FNTB: variants seen among roughly 807,000 people sequenced by gnomAD.
The protein encoded by FNTB is protein farnesyltransferase subunit beta.
In FNTB, 27 loss-of-function variants were observed where a neutral mutation model predicts 59.4. That is an observed-to-expected ratio of 0.45 (90% CI 0.34 to 0.63). FNTB has a LOEUF of 0.63. FNTB is among the 20% of genes least tolerant of loss of function. The pLI is 0.02. For missense variants in FNTB, 449 were observed against 559.6 expected (o/e 0.80, Z 1.99); for synonymous variants, 230 against 220.7 (o/e 1.04, Z -0.37).
rs137921098 is a variant in FNTB, at chr14:65,052,031, G to A, written c.956-1207G>A. On this transcript the variant is annotated intron_variant, in intron 9 of 11. Transcript: ENST00000246166. ...GGGATGGTCTCGATCTCCTGACCTCGTGATCAACCCCCCTCAGCCTCCCAA... is the reference window on the plus strand; with the variant it reads ...GGGATGGTCTCGATCTCCTGACCTCATGATCAACCCCCCTCAGCCTCCCAA... 4.5e-3 allele frequency among the ~76,000 whole-genome samples: 687 copies of A among 152,058 alleles called. 7 individuals carry two copies. Among genetic ancestry groups the A allele is most frequent in the African/African-American group, 0.016 (650 of 41,492 alleles).
At chr14:65,037,345 C>T (rs1367027273) in intron 7 of FNTB, among the ~76,000 whole-genome samples, 4 of 134,618 alleles carry the variant, frequency 3.0e-5, no homozygotes, top group Non-Finnish European at 4.6e-5. Flanking sequence ...CTCAAGTGAT[C>T]GCCTGCCTCG....
At chr14:65,058,821 CTG>C (rs1043185030) in intron 11 of FNTB, among the ~76,000 whole-genome samples, 4 of 152,072 alleles carry the variant, frequency 2.6e-5, no homozygotes, top group Non-Finnish European at 4.4e-5. Context: ...GTGTCTGTGT[CTG>C]TGTGTTTTGT....
intron 8 of FNTB, among the ~76,000 whole-genome samples, chr14:65,041,393 G>C (rs1348665573): frequency 6.6e-6 from 1 of 152,130 alleles, no homozygotes; most frequent in African/African-American, 2.4e-5. Flanking sequence ...TTTATGTCTG[G>C]ACCCCACGCT....
rs575381628 is a variant in FNTB at position 65,019,688 on chromosome 14, G to A, written c.374+3972G>A. Among the ~76,000 whole-genome samples, 65 of 152,230 alleles carry A rather than the reference G, an allele frequency of 4.3e-4. 2 individuals are homozygous for A. In the South Asian group the frequency reaches 0.012, roughly 29 times the overall value. On this transcript the variant is annotated intron_variant, in intron 4 of 11. Coordinates refer to ENST00000246166, the MANE Select transcript of FNTB (RefSeq NM_002028.4). Reference sequence around the variant, plus strand: ...AAAGCTTTACCTGTGGTTCTTCTACGCATTGATTTAGTGAACTTTTAAACA... The same window carrying A: ...AAAGCTTTACCTGTGGTTCTTCTACACATTGATTTAGTGAACTTTTAAACA...
chr14:65,046,741 A>G (rs1406555963), intron 9 of FNTB, among the ~76,000 whole-genome samples: 2 of 152,198 alleles, frequency 1.3e-5, no homozygotes, highest in East Asian at 1.9e-4. Context: ...GATAGTCACA[A>G]TATATTGTGA....
At chr14:65,046,962 CA>C (rs1212105742) in intron 9 of FNTB, among the ~76,000 whole-genome samples, 2 of 151,436 alleles carry the variant, frequency 1.3e-5, no homozygotes, top group South Asian at 2.1e-4. Flanking sequence ...ACAAAACAAG[CA>C]AAAAGGTGCG....
chr14:65,035,466 G>A (rs943839835), intron 7 of FNTB, among the ~76,000 whole-genome samples: 1 of 152,150 alleles, frequency 6.6e-6, no homozygotes, highest in South Asian at 2.1e-4. Flanking sequence ...GACAGCCTGG[G>A]TTTGAATCCC....
intron 2 of FNTB, among the ~76,000 whole-genome samples, chr14:65,010,895 C>T (rs947060746): frequency 6.6e-6 from 1 of 152,196 alleles, no homozygotes; most frequent in African/African-American, 2.4e-5. Context: ...CCATTAGCCA[C>T]CTGCAGCTAT....
rs2062063501 is a variant in FNTB at position 65,030,690 on chromosome 14, T to C, written c.606-1920T>C. On this transcript the variant is annotated intron_variant, in intron 6 of 11. Transcript: ENST00000246166. The surrounding 1 kb of genome is among the most constrained non-coding windows in gnomAD (Gnocchi z 4.5). ...AGGAGTTTGAGGTTGCAGTGAGCCA[T>C]GATAGCGCCACTGCACTGCAGCCTG... is the stretch of plus-strand genomic sequence containing the variant. 6.6e-6 allele frequency among the ~76,000 whole-genome samples: 1 copy of C among 151,546 alleles called. No individual in the cohort carries two copies. The highest frequency in any genetic ancestry group is 6.6e-5 in the Admixed American group (1 of 15,198).
chr14:65,008,928 A>T (rs943664198), intron 2 of FNTB, among the ~76,000 whole-genome samples: 1 of 152,062 alleles, frequency 6.6e-6, no homozygotes, highest in African/African-American at 2.4e-5. Context: ...CTCTCCTGTC[A>T]CCCTCTGCAC....
At chr14:65,055,068 C>T (rs1419445729) in intron 11 of FNTB, among the ~76,000 whole-genome samples, 3 of 152,216 alleles carry the variant, frequency 2.0e-5, no homozygotes, top group African/African-American at 4.8e-5. Context: ...TACAGCCTGC[C>T]GCGTCTCTCC....
intron 9 of FNTB, among the ~76,000 whole-genome samples, chr14:65,048,873 T>G (rs1203064001): frequency 6.6e-6 from 1 of 151,620 alleles, no homozygotes; most frequent in Non-Finnish European, 1.5e-5. Context: ...AAGCCTGTAA[T>G]CCCAGCATTT....
chr14:65,026,929 C>T (rs1255398221), intron 4 of FNTB, among the ~76,000 whole-genome samples: 1 of 151,942 alleles, frequency 6.6e-6, no homozygotes, highest in African/African-American at 2.4e-5. Flanking sequence ...CCCACAGAGG[C>T]TTAGGTGGCA....
chr14:65,059,025 T>C (rs1289846597), intron 11 of FNTB, among the ~76,000 whole-genome samples: 1 of 152,166 alleles, frequency 6.6e-6, no homozygotes, highest in African/African-American at 2.4e-5. Context: ...CTTTTTTCTT[T>C]TTCTTTTCTT....
chr14:64,995,433 T>G (rs1234370640), intron 1 of FNTB, among the ~76,000 whole-genome samples: 1 of 152,166 alleles, frequency 6.6e-6, no homozygotes, highest in Admixed American at 6.6e-5. Context: ...TTTATAACAC[T>G]GACAGTGCAG....
intron 4 of FNTB, among the ~76,000 whole-genome samples, chr14:65,024,103 TAA>T (rs557949276): frequency 2.2e-4 from 28 of 129,646 alleles, no homozygotes; most frequent in Admixed American, 3.8e-4. Context: ...CTCCATCTCC[TAA>T]AAAAAAAAAA....
intron 2 of FNTB, among the ~76,000 whole-genome samples, chr14:65,008,631 T>G (rs543567919): frequency 2.0e-5 from 3 of 152,326 alleles, no homozygotes; most frequent in East Asian, 3.9e-4. Flanking sequence ...GGTGGCTAAC[T>G]TAAAGGATGG....
At chr14:65,034,258 C>T (rs770708556) in intron 7 of FNTB, among the ~76,000 whole-genome samples, 5 of 152,188 alleles carry the variant, frequency 3.3e-5, no homozygotes, top group Admixed American at 2.6e-4. Context: ...GCAGGCATCC[C>T]GAAGCTTCCT....
In FNTB at chr14:65,027,320, A is replaced by T; in HGVS notation, c.375-133A>T. On this transcript the variant is annotated intron_variant, in intron 4 of 11. Transcript: ENST00000246166. The surrounding 1 kb of genome is among the most constrained non-coding windows in gnomAD (Gnocchi z 5.7). ...CTTTGGGGAGAGGTTATATTCAACA[A>T]GTGGGAGGAGAGGTTCCCCTCAACT... is the stretch of plus-strand genomic sequence containing the variant. The T allele has an allele frequency of 7.2e-7, 1 of 1,394,194 alleles. No homozygotes were observed. The allele number at this position is 1,394,194 out of a possible 1,614,324, so 86.4% of individuals were successfully genotyped here.
Sources: allele counts gnomAD v4.1 joint callset (sites outside exome capture counted in the v4.1 genomes callset), GRCh38; gene constraint gnomAD v4.1.1; non-coding constraint Gnocchi (gnomAD v3.1); transcripts MANE v1.5; gene names NCBI Gene and HGNC (gene_info 2026-07-23, HGNC 2026-07-21).